The following SLC44A1 variants were observed in gnomAD, a reference collection of about 807,000 sequenced individuals.
The protein encoded by SLC44A1 is solute carrier family 44 member 1.
In SLC44A1, 26 loss-of-function variants were observed where a neutral mutation model predicts 79.3. The ratio of observed to expected loss-of-function variants is 0.33; its 90% CI spans 0.24 to 0.46. SLC44A1 has a LOEUF of 0.46. Among genes scored for constraint, SLC44A1 ranks in the 20% least tolerant of loss-of-function variants. The pLI is 1.00. For synonymous variants in SLC44A1, 263 were observed against 286.2 expected (o/e 0.92, Z 0.82); for missense variants, 688 against 798.1 (o/e 0.86, Z 1.66).
At chr9:105,280,163 T>C (rs1357752315) in intron 1 of SLC44A1, among the ~76,000 whole-genome samples, 1 of 152,208 alleles carries the variant, frequency 6.6e-6, no homozygotes, top group Non-Finnish European at 1.5e-5. Context: ...TACAAAATGA[T>C]TCTAAGCAAG....
At chr9:105,352,972 A>G (rs981593482) in intron 5 of SLC44A1, among the ~76,000 whole-genome samples, 5 of 152,184 alleles carry the variant, frequency 3.3e-5, no homozygotes, top group African/African-American at 1.2e-4. Context: ...GATTTCAAAC[A>G]AGGGAATCTA....
chr9:105,347,100 G>A (rs1196913136), intron 4 of SLC44A1, among the ~76,000 whole-genome samples: 1 of 151,958 alleles, frequency 6.6e-6, no homozygotes, highest in African/African-American at 2.4e-5. Flanking sequence ...CAATTTTGTT[G>A]TGCCATTAAA....
At chr9:105,400,147 A>T (rs1295481257), downstream of SLC44A1, among the ~76,000 whole-genome samples, 2 of 151,844 alleles carry the variant, frequency 1.3e-5, no homozygotes, top group Non-Finnish European at 2.9e-5. Flanking sequence ...GTGAGCCGAG[A>T]TCGTGCCATT....
At chr9:105,370,556 G>T (rs1192241553) in intron 12 of SLC44A1, among the ~76,000 whole-genome samples, 4 of 152,196 alleles carry the variant, frequency 2.6e-5, no homozygotes, top group Non-Finnish European at 5.9e-5. Flanking sequence ...GAATGGGGCA[G>T]GGTGGGGTGA....
At chr9:105,273,557 A>G (rs1422109267) in intron 1 of SLC44A1, among the ~76,000 whole-genome samples, 3 of 152,170 alleles carry the variant, frequency 2.0e-5, no homozygotes, top group African/African-American at 7.2e-5. Flanking sequence ...CTGGGCTCTT[A>G]TATCATTTCA....
chr9:105,320,223 A>G (rs1467326361), intron 3 of SLC44A1, among the ~76,000 whole-genome samples: 1 of 150,092 alleles, frequency 6.7e-6, no homozygotes, highest in Non-Finnish European at 1.5e-5. Context: ...GAAATATTCC[A>G]TTGTGTGGCT....
At position 105,389,192 on chromosome 9, in the gene SLC44A1, C is replaced by T; in HGVS notation, c.*136C>T. On this transcript the variant is annotated 3_prime_UTR_variant, in exon 16 of 16. Transcript: ENST00000374720. ...ATGTATATGTATATACACACACACA[C>T]ATAAATCAGCCAAAATCAGAGAAAA... The T allele has an allele frequency of 1.5e-6, 2 of 1,349,672 alleles. No homozygotes were observed. The highest frequency in any genetic ancestry group is 2.2e-5 in the South Asian group (1 of 45,694). 83.6% of individuals were successfully genotyped at this position (1,349,672 alleles called of 1,614,324 possible).
intron 4 of SLC44A1, among the ~76,000 whole-genome samples, chr9:105,342,310 C>G (rs1349447070): frequency 6.6e-6 from 1 of 152,148 alleles, no homozygotes; most frequent in African/African-American, 2.4e-5. Context: ...CAGATCATCC[C>G]TTTGTCCAGC....
At chr9:105,348,253 T>C (rs1461649850) in intron 4 of SLC44A1, 105 bp from the exon 5 acceptor site, 2 of 630,158 alleles carry the variant, frequency 3.2e-6, no homozygotes, top group Admixed American at 5.4e-5. Context: ...ATGAATTCTA[T>C]AATGTTTGGA....
At chr9:105,321,885 C>G (rs1826404717) in intron 3 of SLC44A1, among the ~76,000 whole-genome samples, 1 of 150,512 alleles carries the variant, frequency 6.6e-6, no homozygotes, top group South Asian at 2.1e-4. Flanking sequence ...GATGACAATA[C>G]TAACAAAGTT....
At chr9:105,376,221 C>T (rs1195198694) in intron 13 of SLC44A1, among the ~76,000 whole-genome samples, 3 of 151,630 alleles carry the variant, frequency 2.0e-5, no homozygotes, top group Non-Finnish European at 4.4e-5. Flanking sequence ...CAGAATTCAC[C>T]ATCTTTATTT....
intron 13 of SLC44A1, 100 bp from the exon 14 acceptor site, chr9:105,383,023 A>G: frequency 1.3e-6 from 1 of 789,046 alleles, no homozygotes; most frequent in South Asian, 1.6e-5. Context: ...TCATGCAACC[A>G]TCATTTATAA....
At chr9:105,340,631 A>G (rs1021717036) in intron 4 of SLC44A1, among the ~76,000 whole-genome samples, 1 of 152,234 alleles carries the variant, frequency 6.6e-6, no homozygotes, top group Non-Finnish European at 1.5e-5. Flanking sequence ...CCTTATTTTA[A>G]GATGCAAGGC....
At chr9:105,373,918 G>T (rs1174932557) in intron 12 of SLC44A1, among the ~76,000 whole-genome samples, 1 of 152,112 alleles carries the variant, frequency 6.6e-6, no homozygotes, top group Non-Finnish European at 1.5e-5. Flanking sequence ...ACCAATCATT[G>T]TGGCCAGTAG....
chr9:105,326,438 T>C (rs1038428404), intron 3 of SLC44A1, among the ~76,000 whole-genome samples: 8 of 152,212 alleles, frequency 5.3e-5, no homozygotes, highest in Non-Finnish European at 1.2e-4. Context: ...TAAGTGACTC[T>C]TGGTTGCCAT....
At chr9:105,276,618 G>GTGTGTGTGTGTA (rs1830212536) in intron 1 of SLC44A1, among the ~76,000 whole-genome samples, 1 of 121,850 alleles carries the variant, frequency 8.2e-6, no homozygotes, top group Admixed American at 8.1e-5. Context: ...GTGTGTGTGT[G>GTGTGTGTGTGTA]TATGTGCCTG....
In SLC44A1 at chr9:105,336,115, CAT is replaced by C. The variant is rs372352525; in HGVS notation, c.406+419_406+420del. 3.2e-4 allele frequency among the ~76,000 whole-genome samples: 47 copies of C among 148,530 alleles called. 1 individual carries two copies. The South Asian group carries it at 8.8e-3, about 28-fold the overall frequency. On this transcript the variant is annotated intron_variant, in intron 4 of 15. Transcript: ENST00000374720. ...TATGTTGAAACAATATATATACATA[CAT>C]ATGTGTGTGTGTGTGCATGTGTGTG...
rs1828777122 is a variant in SLC44A1, at chr9:105,392,231, ATT to A, written c.*3178_*3179del. 2.0e-6 allele frequency: 2 copies of A among 983,722 alleles called. No homozygotes were observed. Among genetic ancestry groups the A allele is most frequent in the African/African-American group, 3.5e-5 (2 of 57,314 alleles). 60.9% of individuals were successfully genotyped at this position (983,722 alleles called of 1,614,324 possible). On this transcript the variant is annotated 3_prime_UTR_variant, in exon 16 of 16. Coordinates refer to ENST00000374720, the MANE Select transcript of SLC44A1 (RefSeq NM_080546.5). ...GCTAATGTTTAGGATTAAAGTTTTTATTTTATCCTATAAGATAATTAAGTCCT... is the reference window on the plus strand; with the variant it reads ...GCTAATGTTTAGGATTAAAGTTTTTATTATCCTATAAGATAATTAAGTCCT...
intron 12 of SLC44A1, among the ~76,000 whole-genome samples, chr9:105,373,627 A>G (rs182702733): frequency 2.6e-5 from 4 of 152,306 alleles, no homozygotes; most frequent in African/African-American, 7.2e-5. Context: ...CTATAACTGA[A>G]AAGTTCAGAA....
Sources: gnomAD v4.1 joint callset for allele counts (sites outside exome capture counted in the v4.1 genomes callset) on GRCh38, gnomAD v4.1.1 for gene constraint, MANE v1.5 for transcripts, NCBI Gene and HGNC (gene_info 2026-07-23, HGNC 2026-07-21) for gene names.